The following ARL15 variants were observed in gnomAD, a reference collection of about 807,000 sequenced individuals.
ARL15 encodes ARF like GTPase 15, also known as ADP-ribosylation factor-like protein 15.
In ARL15, 19 loss-of-function variants were observed where a neutral mutation model predicts 25.2. The ratio of observed to expected loss-of-function variants is 0.75; its 90% CI spans 0.53 to 1.10. The LOEUF is 1.10. Ranked by LOEUF, ARL15 falls within the 50% of genes least tolerant of loss-of-function variation. The probability of loss-of-function intolerance (pLI) is 0.00; values close to 1 mark genes in which losing one functional copy is unlikely to be tolerated. For synonymous variants in ARL15, 94 were observed against 86.8 expected, an observed-to-expected ratio of 1.08 and a Z score of -0.46; for missense variants, 220 against 246.0, an observed-to-expected ratio of 0.89 and a Z score of 0.71.
intron 1 of ARL15, among the ~76,000 whole-genome samples, chr5:54,206,496 C>T (rs1361941800): frequency 2.0e-5 from 3 of 151,956 alleles, no homozygotes; most frequent in Non-Finnish European, 4.4e-5. Flanking sequence ...GATTGTATAC[C>T]GTTATACTTC....
chr5:54,251,673 C>CA (rs1757239649), intron 1 of ARL15, among the ~76,000 whole-genome samples: 4 of 152,324 alleles, frequency 2.6e-5, no homozygotes, highest in Admixed American at 2.6e-4. Context: ...AATAAGGATC[C>CA]AACAAGTAGA....
chr5:54,253,061 C>G (rs1757278722), intron 1 of ARL15, among the ~76,000 whole-genome samples: 1 of 151,868 alleles, frequency 6.6e-6, no homozygotes, highest in Non-Finnish European at 1.5e-5. Context: ...AAGCAAGAAT[C>G]AGGAGAGGGG....
At chr5:54,097,494 T>A (rs189429942) in intron 4 of ARL15, among the ~76,000 whole-genome samples, 5 of 152,358 alleles carry the variant, frequency 3.3e-5, no homozygotes, top group African/African-American at 1.2e-4. Context: ...AGATGGCTTT[T>A]AATTGGCTAG....
chr5:54,226,655 A>C (rs1579929521), intron 1 of ARL15, among the ~76,000 whole-genome samples: 1 of 83,628 alleles, frequency 1.2e-5, no homozygotes, highest in Non-Finnish European at 3.3e-5. Context: ...TTTTAGTCTA[A>C]GTTATTAAAA....
At chr5:54,247,240 A>G (rs2112589538) in intron 1 of ARL15, among the ~76,000 whole-genome samples, 1 of 151,984 alleles carries the variant, frequency 6.6e-6, no homozygotes, top group East Asian at 1.9e-4. Context: ...TTTTTAAGGA[A>G]ATTGTTTTTT....
intron 1 of ARL15, among the ~76,000 whole-genome samples, chr5:54,199,048 A>G (rs1391984342): frequency 6.6e-6 from 1 of 151,682 alleles, no homozygotes; most frequent in East Asian, 1.9e-4. Flanking sequence ...CAATGGGGAA[A>G]GGATTCCCTA....
intron 1 of ARL15, among the ~76,000 whole-genome samples, chr5:54,306,628 T>C (rs1185369326): frequency 6.6e-6 from 1 of 152,160 alleles, no homozygotes; most frequent in Non-Finnish European, 1.5e-5. Context: ...TGACCTCAAG[T>C]GATCCGCCTG....
chr5:54,098,051 G>A (rs1752336610), intron 4 of ARL15, among the ~76,000 whole-genome samples: 1 of 152,076 alleles, frequency 6.6e-6, no homozygotes, highest in Non-Finnish European at 1.5e-5. Flanking sequence ...TAAGTTCCTT[G>A]TAAAACAGGC....
At position 54,259,552 on chromosome 5, in the gene ARL15, A is replaced by G. The variant is rs190446635; in HGVS notation, c.48+50880T>C. On this transcript the variant is annotated intron_variant, in intron 1 of 4. Coordinates refer to ENST00000504924, the MANE Select transcript of ARL15 (RefSeq NM_019087.3). ...AAAGAAACAGGTTAGAGATGAGTGG[A>G]AAAAAGAAACAGTCCAGGATTTTAA... 5.6e-4 allele frequency among the ~76,000 whole-genome samples: 85 copies of G among 152,312 alleles called. 1 individual carries two copies. The highest frequency in any genetic ancestry group is 2.0e-3 in the African/African-American group (84 of 41,574).
At chr5:53,961,655 G>A (rs1188410299) in intron 4 of ARL15, among the ~76,000 whole-genome samples, 1 of 151,990 alleles carries the variant, frequency 6.6e-6, no homozygotes. Flanking sequence ...TTAAAAAGGG[G>A]GAGAAATACA....
chr5:54,177,756 T>C (rs1754926598), intron 1 of ARL15, among the ~76,000 whole-genome samples: 1 of 152,180 alleles, frequency 6.6e-6, no homozygotes. Flanking sequence ...TTCCTTCACA[T>C]GGTCTGAGCA....
chr5:54,069,587 A>C (rs1751355367), intron 4 of ARL15, among the ~76,000 whole-genome samples: 2 of 145,416 alleles, frequency 1.4e-5, no homozygotes, highest in African/African-American at 2.6e-5. Context: ...AAAAAAAACC[A>C]CGAAAAAACC....
At position 53,995,456 on chromosome 5, in the gene ARL15, T is replaced by C. The variant is rs1333862899; in HGVS notation, c.463-108743A>G. ...TAAAAATGACTATACTGCTTATGTA[T>C]AAAACAGAAATATGTTTTAAATATT... On this transcript the variant is annotated intron_variant, in intron 4 of 4. Coordinates refer to ENST00000504924, the MANE Select transcript of ARL15 (RefSeq NM_019087.3). 5.9e-5 allele frequency among the ~76,000 whole-genome samples: 9 copies of C among 152,110 alleles called. No individual in the cohort carries two copies. The South Asian group carries it at 1.9e-3, about 31-fold the overall frequency.
chr5:53,935,676 A>T (rs1746328209), intron 4 of ARL15, among the ~76,000 whole-genome samples: 1 of 152,218 alleles, frequency 6.6e-6, no homozygotes, highest in South Asian at 2.1e-4. Flanking sequence ...TCTGATTTGC[A>T]TGTTGACAGC....
chr5:54,071,515 C>A lies in ARL15; in HGVS notation c.462+41687G>T, dbSNP rs1349929268. Among the ~76,000 whole-genome samples, 54 of 95,794 alleles carry A rather than the reference C, an allele frequency of 5.6e-4. No homozygotes were observed. In the East Asian group the frequency reaches 5.8e-3, roughly 10 times the overall value. 62.8% of individuals were successfully genotyped at this position (95,794 alleles called of 152,430 possible). A position where few individuals can be genotyped will look rare whatever the true frequency, so the allele number is the denominator to read the frequency against. On this transcript the variant is annotated intron_variant, in intron 4 of 4. Transcript: ENST00000504924. ...TCTCTCTCTTCCACCGCCTTTCCCC[C>A]CCCCCCCCCCGCAAAGCCAGACCCA... is the stretch of plus-strand genomic sequence containing the variant.
intron 4 of ARL15, among the ~76,000 whole-genome samples, chr5:53,897,539 G>A (rs1216903045): frequency 6.6e-6 from 1 of 152,148 alleles, no homozygotes; most frequent in Non-Finnish European, 1.5e-5. Flanking sequence ...CTTTTTATGA[G>A]CAGTTTTGTG....
intron 3 of ARL15, among the ~76,000 whole-genome samples, chr5:54,133,075 G>A (rs550690903): frequency 6.6e-5 from 10 of 152,240 alleles, no homozygotes; most frequent in East Asian, 5.8e-4. Context: ...AGAGCCTTAC[G>A]ATGTTTTAAT....
At chr5:54,002,419 G>A (rs1748876099) in intron 4 of ARL15, among the ~76,000 whole-genome samples, 1 of 152,108 alleles carries the variant, frequency 6.6e-6, no homozygotes, top group Non-Finnish European at 1.5e-5. Flanking sequence ...GTGTCATAAG[G>A]GTAATAAGAG....
At chr5:54,297,492 T>C (rs1051571439) in intron 1 of ARL15, among the ~76,000 whole-genome samples, 3 of 152,248 alleles carry the variant, frequency 2.0e-5, no homozygotes, top group African/African-American at 7.2e-5. Flanking sequence ...TTAGCCCTCT[T>C]ATGTTATGTC....
Sources: allele counts gnomAD v4.1 joint callset (sites outside exome capture counted in the v4.1 genomes callset), GRCh38; gene constraint gnomAD v4.1.1; transcripts MANE v1.5; gene names NCBI Gene and HGNC (gene_info 2026-07-23, HGNC 2026-07-21).